The following SLC2A13 variants were observed in gnomAD, a reference collection of about 807,000 sequenced individuals.
SLC2A13 encodes the protein proton myo-inositol cotransporter.
In SLC2A13, 32 loss-of-function variants were observed where a neutral mutation model predicts 64.4. The ratio of observed to expected loss-of-function variants is 0.50; its 90% CI spans 0.37 to 0.67. SLC2A13 has a LOEUF of 0.67. Among genes scored for constraint, SLC2A13 ranks in the 30% least tolerant of loss-of-function variants. The pLI is 0.00. For synonymous variants in SLC2A13, 338 were observed against 327.1 expected (o/e 1.03, Z -0.36); for missense variants, 743 against 829.2 (o/e 0.90, Z 1.28).
chr12:40,053,281 CA>C (rs35810974), intron 1 of SLC2A13, among the ~76,000 whole-genome samples: 16,276 of 69,102 alleles, frequency 0.24, 802 homozygotes, highest in East Asian at 0.44. Flanking sequence ...GACTCCATCT[CA>C]AAAAAAAAAA....
rs188718538 is a variant in SLC2A13 at position 39,811,188 on chromosome 12, T to C, written c.1445+18915A>G. 5.8e-4 allele frequency among the ~76,000 whole-genome samples: 89 copies of C among 152,240 alleles called. 1 individual carries two copies. The highest frequency in any genetic ancestry group is 2.1e-3 in the African/African-American group (88 of 41,582). ...TCTTTTAATTATAATAATAGAAAGTTGGGTCTCCTTTTCTCCCTAAACGAG... is the reference window on the plus strand; with the variant it reads ...TCTTTTAATTATAATAATAGAAAGTCGGGTCTCCTTTTCTCCCTAAACGAG... On this transcript the variant is annotated intron_variant, in intron 7 of 9. Transcript: ENST00000280871.
At chr12:40,058,285 G>C (rs1220448941) in intron 1 of SLC2A13, among the ~76,000 whole-genome samples, 3 of 151,986 alleles carry the variant, frequency 2.0e-5, no homozygotes, top group African/African-American at 7.2e-5. Flanking sequence ...GAAAAACACA[G>C]CCAAATTAAC....
intron 4 of SLC2A13, among the ~76,000 whole-genome samples, chr12:39,893,301 C>A (rs1944659369): frequency 6.6e-6 from 1 of 152,082 alleles, no homozygotes; most frequent in African/African-American, 2.4e-5. Context: ...AGTTTTATAG[C>A]TCTTTTCTTT....
chr12:40,024,211 A>G (rs1592016697), intron 3 of SLC2A13, among the ~76,000 whole-genome samples: 1 of 152,214 alleles, frequency 6.6e-6, no homozygotes, highest in East Asian at 1.9e-4. Context: ...TGGAAATCAT[A>G]TTAATGTTTC....
intron 2 of SLC2A13, among the ~76,000 whole-genome samples, chr12:40,029,548 C>A (rs547910012): frequency 6.6e-6 from 1 of 152,146 alleles, no homozygotes; most frequent in African/African-American, 2.4e-5. Flanking sequence ...GCTATTCTAC[C>A]TTTTAAGCTA....
At chr12:40,073,057 C>CA (rs1251968370) in intron 1 of SLC2A13, among the ~76,000 whole-genome samples, 1 of 151,994 alleles carries the variant, frequency 6.6e-6, no homozygotes, top group Non-Finnish European at 1.5e-5. Flanking sequence ...CTAGAGTTTG[C>CA]AATATACATT....
chr12:40,077,846 C>T (rs1938238992), intron 1 of SLC2A13, among the ~76,000 whole-genome samples: 1 of 152,082 alleles, frequency 6.6e-6, no homozygotes. Context: ...TGTGGTAATT[C>T]TCATTGCACA....
chr12:40,010,000 A>G (rs1248762401), intron 3 of SLC2A13, among the ~76,000 whole-genome samples: 1 of 152,236 alleles, frequency 6.6e-6, no homozygotes, highest in Non-Finnish European at 1.5e-5. Flanking sequence ...TAATATTTAT[A>G]CTTCTTCAAT....
chr12:40,052,502 G>T (rs1308550366), intron 1 of SLC2A13, among the ~76,000 whole-genome samples: 1 of 152,072 alleles, frequency 6.6e-6, no homozygotes, highest in Admixed American at 6.6e-5. Context: ...TGAGAGTCTC[G>T]GGGTGAGTCT....
chr12:40,082,294 AC>A (rs1219139816), intron 1 of SLC2A13, among the ~76,000 whole-genome samples: 2 of 152,258 alleles, frequency 1.3e-5, no homozygotes, highest in African/African-American at 4.8e-5. Flanking sequence ...ATTCAGCCAT[AC>A]CTGTTGGTCT....
chr12:39,857,435 A>G (rs1295594105), intron 6 of SLC2A13, among the ~76,000 whole-genome samples: 1 of 152,168 alleles, frequency 6.6e-6, no homozygotes, highest in Non-Finnish European at 1.5e-5. Flanking sequence ...ATTTTCATCT[A>G]TTATCCAGCT....
At chr12:39,962,889 T>C (rs1682052722) in intron 3 of SLC2A13, among the ~76,000 whole-genome samples, 1 of 152,146 alleles carries the variant, frequency 6.6e-6, no homozygotes, top group Admixed American at 6.5e-5. Context: ...TAATTAAAGG[T>C]GGAAATGCAT....
intron 7 of SLC2A13, among the ~76,000 whole-genome samples, chr12:39,772,874 AT>A (rs1940635231): frequency 1.2e-4 from 1 of 8,256 alleles, no homozygotes; most frequent in Non-Finnish European, 5.2e-4. Flanking sequence ...GTAGCTCCTC[AT>A]CATCCTCATG....
At chr12:39,777,267 T>G (rs1940810721) in intron 7 of SLC2A13, among the ~76,000 whole-genome samples, 1 of 152,138 alleles carries the variant, frequency 6.6e-6, no homozygotes, top group Non-Finnish European at 1.5e-5. Flanking sequence ...AGGGAAATAG[T>G]CAATTGAAAT....
chr12:40,055,990 C>T (rs17518176), intron 1 of SLC2A13, among the ~76,000 whole-genome samples: 1 of 137,050 alleles, frequency 7.3e-6, no homozygotes, highest in Non-Finnish European at 1.6e-5. Context: ...AAAAAACAAA[C>T]AAAAAAAAAA....
intron 3 of SLC2A13, among the ~76,000 whole-genome samples, chr12:39,960,194 G>A (rs972481602): frequency 6.6e-6 from 1 of 151,938 alleles, no homozygotes; most frequent in Non-Finnish European, 1.5e-5. Flanking sequence ...CTGACATTTT[G>A]GTTTCTATTA....
Position 39,755,533 on chromosome 12 carries a change from A to C in SLC2A13, c.*4493T>G, listed in dbSNP as rs1012383139. ...AGACAGTTTGGACGTGTAGAATATA[A>C]ATTTCTACTTTGGCTAGAGTTGTCT... On this transcript the variant is annotated 3_prime_UTR_variant, in exon 10 of 10. Transcript: ENST00000280871. 6.6e-6 allele frequency: 1 copy of C among 152,096 alleles called. No individual in the cohort carries two copies. The highest frequency in any genetic ancestry group is 1.5e-5 in the Non-Finnish European group (1 of 67,904). 9.4% of individuals were successfully genotyped at this position (152,096 alleles called of 1,614,324 possible). A position where few individuals can be genotyped will look rare whatever the true frequency, so the allele number is the denominator to read the frequency against.
At chr12:40,065,805 C>G (rs890084083) in intron 1 of SLC2A13, among the ~76,000 whole-genome samples, 2 of 152,160 alleles carry the variant, frequency 1.3e-5, no homozygotes, top group Non-Finnish European at 2.9e-5. Context: ...TAAATACCTA[C>G]CATGAGGCAG....
At chr12:39,900,786 G>A (rs1037967407) in intron 4 of SLC2A13, among the ~76,000 whole-genome samples, 11 of 152,172 alleles carry the variant, frequency 7.2e-5, no homozygotes, top group Non-Finnish European at 1.2e-4. Flanking sequence ...TAGATTCAAT[G>A]CCATCCCCAT....
Sources: allele counts gnomAD v4.1 joint callset (sites outside exome capture counted in the v4.1 genomes callset), GRCh38; gene constraint gnomAD v4.1.1; transcripts MANE v1.5; gene names NCBI Gene and HGNC (gene_info 2026-07-23, HGNC 2026-07-21).